SLC24A2: variants seen among roughly 807,000 people sequenced by gnomAD.
The protein encoded by SLC24A2 is solute carrier family 24 member 2.
In SLC24A2, 36 loss-of-function variants were observed where a neutral mutation model predicts 62.0. That is an observed-to-expected ratio of 0.58 (90% CI 0.44 to 0.77). The LOEUF (loss-of-function observed/expected upper bound fraction) is 0.77, where lower values mean the gene tolerates loss of function less well. Among genes scored for constraint, SLC24A2 ranks in the 30% least tolerant of loss-of-function variants. The probability of loss-of-function intolerance (pLI) is 0.00; values close to 1 mark genes in which losing one functional copy is unlikely to be tolerated. For missense variants in SLC24A2, 846 were observed against 817.9 expected (o/e 1.03, Z -0.42); for synonymous variants, 358 against 294.0 (o/e 1.22, Z -2.23).
At position 19,508,580 on chromosome 9, in the gene SLC24A2, C is replaced by G. The variant is rs1387603536; in HGVS notation, c.*7573G>C. On this transcript the variant is annotated 3_prime_UTR_variant, in exon 11 of 11. Transcript: ENST00000341998. Reference sequence around the variant, plus strand: ...GGCCAAAGCAGGAGGATCTCTTGAGCCCAGGAGTTTGAGACCAGCCTGGGT... The same window carrying G: ...GGCCAAAGCAGGAGGATCTCTTGAGGCCAGGAGTTTGAGACCAGCCTGGGT... 6.6e-6 allele frequency: 1 copy of G among 152,092 alleles called. No individual in the cohort carries two copies. The highest frequency in any genetic ancestry group is 6.6e-5 in the Admixed American group (1 of 15,256). The allele number at this position is 152,092 out of a possible 1,614,324, so 9.4% of individuals were successfully genotyped here.
the SLC24A2 span, among the ~76,000 whole-genome samples, chr9:20,145,104 A>G: frequency 1.3e-5 from 2 of 152,204 alleles, no homozygotes; most frequent in Non-Finnish European, 2.9e-5. Context: ...GTATTTTGTG[A>G]ACCAAAAATT....
At chr9:19,887,253 G>T in the SLC24A2 span, among the ~76,000 whole-genome samples, 6 of 152,216 alleles carry the variant, frequency 3.9e-5, no homozygotes, top group East Asian at 1.2e-3. Context: ...TTTTAATGGG[G>T]TTGCCTTTTG....
At chr9:20,277,311 G>A in the SLC24A2 span, among the ~76,000 whole-genome samples, 1 of 151,850 alleles carries the variant, frequency 6.6e-6, no homozygotes, top group East Asian at 1.9e-4. Context: ...CTACAGAATG[G>A]GAGAAAATTT....
the SLC24A2 span, among the ~76,000 whole-genome samples, chr9:19,987,067 G>A: frequency 1.3e-5 from 2 of 152,152 alleles, no homozygotes; most frequent in Admixed American, 6.6e-5. Flanking sequence ...GACAGTGGAG[G>A]GTGGAAGGGG....
At chr9:19,721,027 A>T (rs889302670) in intron 2 of SLC24A2, among the ~76,000 whole-genome samples, 3 of 152,144 alleles carry the variant, frequency 2.0e-5, no homozygotes, top group Non-Finnish European at 4.4e-5. Context: ...TGTGTACAGG[A>T]ATATCAGTTT....
intron 2 of SLC24A2, among the ~76,000 whole-genome samples, chr9:19,686,522 G>C (rs541002177): frequency 6.6e-6 from 1 of 152,068 alleles, no homozygotes; most frequent in South Asian, 2.1e-4. Flanking sequence ...TAATCTCCAC[G>C]TCTTGCGGGA....
At chr9:20,258,583 T>C in the SLC24A2 span, among the ~76,000 whole-genome samples, 2 of 152,210 alleles carry the variant, frequency 1.3e-5, no homozygotes, top group African/African-American at 4.8e-5. Flanking sequence ...TTCTCTGACT[T>C]TGGGCTCTGG....
chr9:19,929,398 A>G, the SLC24A2 span: 13 of 152,350 alleles, frequency 8.5e-5, no homozygotes, highest in Non-Finnish European at 1.2e-4. Context: ...TTTAAAATGT[A>G]TACAATCATG....
chr9:19,926,103 C>G, the SLC24A2 span: 10 of 152,198 alleles, frequency 6.6e-5, no homozygotes, highest in Non-Finnish European at 1.0e-4. Flanking sequence ...AGGTAGCGAT[C>G]TCACCGACAC....
intron 2 of SLC24A2, among the ~76,000 whole-genome samples, chr9:19,702,569 C>G (rs999511176): frequency 1.3e-5 from 2 of 152,150 alleles, no homozygotes; most frequent in African/African-American, 4.8e-5. Flanking sequence ...GCTCCCAGAA[C>G]TGGTCTTTCA....
At chr9:19,592,396 A>G (rs919217485) in intron 5 of SLC24A2, among the ~76,000 whole-genome samples, 1 of 148,372 alleles carries the variant, frequency 6.7e-6, no homozygotes, top group Non-Finnish European at 1.5e-5. Context: ...GTTAAATGGC[A>G]GAGAGTTTAG....
intron 5 of SLC24A2, among the ~76,000 whole-genome samples, chr9:19,592,481 C>G (rs1587005823): frequency 2.5e-5 from 1 of 40,432 alleles, no homozygotes; most frequent in East Asian, 6.2e-4. Context: ...TACCGACCTA[C>G]CTACCTACCT....
At chr9:20,073,569 T>G in the SLC24A2 span, among the ~76,000 whole-genome samples, 2 of 152,142 alleles carry the variant, frequency 1.3e-5, no homozygotes, top group African/African-American at 4.8e-5. Context: ...GAGTTTTGCC[T>G]AAGTTTTGAC....
chr9:20,190,995 G>T, the SLC24A2 span, among the ~76,000 whole-genome samples: 2 of 152,122 alleles, frequency 1.3e-5, no homozygotes, highest in African/African-American at 4.8e-5. Context: ...CTCTCTAACA[G>T]CAATTTCCAC....
At chr9:19,948,578 C>T in the SLC24A2 span, among the ~76,000 whole-genome samples, 1 of 152,126 alleles carries the variant, frequency 6.6e-6, no homozygotes, top group Non-Finnish European at 1.5e-5. Context: ...AGCTAACGGG[C>T]CGGGCGCGGT....
At chr9:19,683,984 C>G (rs760191505) in intron 2 of SLC24A2, among the ~76,000 whole-genome samples, 6 of 152,076 alleles carry the variant, frequency 3.9e-5, no homozygotes, top group Non-Finnish European at 7.4e-5. Flanking sequence ...GCAAAAGAAA[C>G]TTCCTGCTTA....
the SLC24A2 span, among the ~76,000 whole-genome samples, chr9:20,008,042 C>T: frequency 4.7e-4 from 71 of 151,624 alleles, no homozygotes; most frequent in Non-Finnish European, 4.7e-4. Context: ...ACTACAGGTG[C>T]GCACCACCAT....
At chr9:19,812,016 G>A in the SLC24A2 span, among the ~76,000 whole-genome samples, 1 of 152,054 alleles carries the variant, frequency 6.6e-6, no homozygotes, top group South Asian at 2.1e-4. Flanking sequence ...TTTCATTTTT[G>A]AAGAATAATT....
the SLC24A2 span, among the ~76,000 whole-genome samples, chr9:19,880,960 T>C: frequency 6.6e-6 from 1 of 152,198 alleles, no homozygotes; most frequent in Non-Finnish European, 1.5e-5. Flanking sequence ...CTCTTTTCTC[T>C]ACTAGCTGTG....
Sources: allele counts gnomAD v4.1 joint callset (sites outside exome capture counted in the v4.1 genomes callset), GRCh38; gene constraint gnomAD v4.1.1; transcripts MANE v1.5; gene names NCBI Gene and HGNC (gene_info 2026-07-23, HGNC 2026-07-21).